RBFOX3: variants seen among roughly 807,000 people sequenced by gnomAD.
RBFOX3 encodes RNA binding fox-1 homolog 3.
Under a neutral mutation model 48.7 loss-of-function variants are expected in RBFOX3, and 17 were observed. The ratio of observed to expected loss-of-function variants is 0.35; its 90% CI spans 0.24 to 0.52. RBFOX3 has a LOEUF of 0.52. Among genes scored for constraint, RBFOX3 ranks in the 20% least tolerant of loss-of-function variants. The pLI, the probability that RBFOX3 is intolerant of heterozygous loss-of-function variation, is 0.94. For synonymous variants in RBFOX3, 212 were observed against 209.5 expected (o/e 1.01, Z -0.10); for missense variants, 382 against 497.5 (o/e 0.77, Z 2.21).
intron 1 of RBFOX3, among the ~76,000 whole-genome samples, chr17:79,514,745 TC>T (rs2085002302): frequency 1.3e-5 from 2 of 152,146 alleles, no homozygotes; most frequent in Admixed American, 6.5e-5. Context: ...GCCATGTGGA[TC>T]CACTGGACCC....
At chr17:79,367,565 C>T (rs1225356811) in intron 2 of RBFOX3, among the ~76,000 whole-genome samples, 2 of 152,076 alleles carry the variant, frequency 1.3e-5, no homozygotes, top group East Asian at 1.9e-4. Context: ...AAGAAGAGTC[C>T]GCTTTCCCTG....
At chr17:79,594,117 C>T (rs973420765) in intron 1 of RBFOX3, among the ~76,000 whole-genome samples, 12 of 152,114 alleles carry the variant, frequency 7.9e-5, no homozygotes, top group Admixed American at 6.5e-4. Context: ...ATTGATTAAG[C>T]GCCTACTCTG....
chr17:79,141,325 G>A (rs1037963465), intron 4 of RBFOX3, among the ~76,000 whole-genome samples: 4 of 152,230 alleles, frequency 2.6e-5, no homozygotes, highest in African/African-American at 4.8e-5. Context: ...GGGCCAGCCA[G>A]GAGCCCCCTT....
At chr17:79,414,780 C>T (rs573380535) in intron 2 of RBFOX3, among the ~76,000 whole-genome samples, 15 of 150,050 alleles carry the variant, frequency 1.0e-4, no homozygotes, top group Middle Eastern at 3.4e-3. Flanking sequence ...CTCCCGCTGG[C>T]GCGAACAGGC....
intron 4 of RBFOX3, among the ~76,000 whole-genome samples, chr17:79,142,927 T>TG (rs1347472055): frequency 6.6e-6 from 1 of 152,068 alleles, no homozygotes. Flanking sequence ...CCCATGCACG[T>TG]GGCCCTGCCT....
At chr17:79,186,631 G>C (rs1159425458) in intron 4 of RBFOX3, among the ~76,000 whole-genome samples, 1 of 152,188 alleles carries the variant, frequency 6.6e-6, no homozygotes, top group Non-Finnish European at 1.5e-5. Flanking sequence ...GCGGAGGGAG[G>C]CTGCGTGCTG....
At chr17:79,620,457 ACACACATG>A in the RBFOX3 span, among the ~76,000 whole-genome samples, 1 of 149,172 alleles carries the variant, frequency 6.7e-6, no homozygotes, top group Non-Finnish European at 1.5e-5. Flanking sequence ...ACACATGCGC[ACACACATG>A]CACACGTGCA....
intron 2 of RBFOX3, among the ~76,000 whole-genome samples, chr17:79,467,182 T>C (rs2076427534): frequency 6.6e-6 from 1 of 152,050 alleles, no homozygotes; most frequent in South Asian, 2.1e-4. Flanking sequence ...CACGGGCTGC[T>C]GCAGACGGGG....
chr17:79,149,726 T>C (rs1026338904), intron 4 of RBFOX3, among the ~76,000 whole-genome samples: 3 of 151,046 alleles, frequency 2.0e-5, no homozygotes. Context: ...GACCCTGGGA[T>C]GTCGAGTGGG....
At chr17:79,554,606 C>T (rs1361726656) in intron 1 of RBFOX3, among the ~76,000 whole-genome samples, 3 of 152,358 alleles carry the variant, frequency 2.0e-5, no homozygotes, top group South Asian at 2.1e-4. Flanking sequence ...GCAGGCTGGG[C>T]TCCTAGGAGG....
chr17:79,660,832 A>G, the RBFOX3 span, among the ~76,000 whole-genome samples: 2 of 152,256 alleles, frequency 1.3e-5, no homozygotes, highest in Non-Finnish European at 2.9e-5. Context: ...ATGCACGTGT[A>G]TGCCCACTGC....
At chr17:79,270,811 G>T (rs4789987) in intron 3 of RBFOX3, among the ~76,000 whole-genome samples, 12,104 of 152,294 alleles carry the variant, frequency 0.079, 875 homozygotes, top group East Asian at 0.43. Flanking sequence ...TTGCCCACTG[G>T]CATGACCATG....
chr17:79,338,533 C>G (rs1464362956), intron 2 of RBFOX3, among the ~76,000 whole-genome samples: 3 of 152,134 alleles, frequency 2.0e-5, no homozygotes, highest in Non-Finnish European at 4.4e-5. Context: ...AATTCAACTC[C>G]CTGAGGCACC....
intron 3 of RBFOX3, among the ~76,000 whole-genome samples, chr17:79,268,527 C>T (rs1167225718): frequency 1.3e-5 from 2 of 152,182 alleles, no homozygotes; most frequent in Non-Finnish European, 2.9e-5. Context: ...TGAGCTCCAG[C>T]CACAGTTCCC....
chr17:79,368,232 C>A (rs1419545326), intron 2 of RBFOX3, among the ~76,000 whole-genome samples: 4 of 152,144 alleles, frequency 2.6e-5, no homozygotes, highest in African/African-American at 4.8e-5. Flanking sequence ...TGCAGAAGGG[C>A]TGAGCCTTAT....
At chr17:79,177,214 C>G (rs988042101) in intron 4 of RBFOX3, among the ~76,000 whole-genome samples, 9 of 152,126 alleles carry the variant, frequency 5.9e-5, no homozygotes, top group South Asian at 4.1e-4. Flanking sequence ...TCCTCTCCCC[C>G]CCCGCCCTCT....
intron 2 of RBFOX3, among the ~76,000 whole-genome samples, chr17:79,317,510 G>T (rs912508032): frequency 6.6e-6 from 1 of 152,192 alleles, no homozygotes; most frequent in Non-Finnish European, 1.5e-5. Flanking sequence ...CACCCTGGAG[G>T]GTTCTGCTGG....
intron 2 of RBFOX3, among the ~76,000 whole-genome samples, chr17:79,346,999 T>A (rs1042440549): frequency 1.3e-5 from 2 of 152,208 alleles, no homozygotes; most frequent in Non-Finnish European, 2.9e-5. Context: ...CATCTGAAAA[T>A]AATACAATTT....
At chr17:79,525,042 G>A (rs1034658323) in intron 1 of RBFOX3, among the ~76,000 whole-genome samples, 1 of 152,124 alleles carries the variant, frequency 6.6e-6, no homozygotes, top group African/African-American at 2.4e-5. Flanking sequence ...TAAGCATATT[G>A]CCCTCAAGGG....
Sources: gnomAD v4.1 joint callset for allele counts (sites outside exome capture counted in the v4.1 genomes callset) on GRCh38, gnomAD v4.1.1 for gene constraint, MANE v1.5 for transcripts, NCBI Gene and HGNC (gene_info 2026-07-23, HGNC 2026-07-21) for gene names.